Variants in ELOVL4 observed in about 807,000 individuals in gnomAD.
ELOVL4 encodes the protein very long chain fatty acid elongase 4.
ELOVL4 carries 18 observed loss-of-function variants against 42.1 expected under a neutral mutation model. The observed-to-expected ratio is 0.43, with a 90% CI of 0.30 to 0.63. ELOVL4 has a LOEUF of 0.63. Ranked by LOEUF, ELOVL4 falls within the 30% of genes least tolerant of loss-of-function variation. The pLI is 0.15. For synonymous variants in ELOVL4, 117 were observed against 127.0 expected, an observed-to-expected ratio of 0.92 and a Z score of 0.53; for missense variants, 299 against 376.2, an observed-to-expected ratio of 0.79 and a Z score of 1.70.
At chr6:79,918,394 T>A (rs957343606) in intron 5 of ELOVL4, among the ~76,000 whole-genome samples, 2 of 152,206 alleles carry the variant, frequency 1.3e-5, no homozygotes, top group South Asian at 2.1e-4. Flanking sequence ...CTAATTCACA[T>A]GATTTTGATC....
At chr6:79,943,675 T>G (rs994762788) in intron 1 of ELOVL4, among the ~76,000 whole-genome samples, 3 of 152,096 alleles carry the variant, frequency 2.0e-5, no homozygotes, top group Non-Finnish European at 2.9e-5. Context: ...CTTTGCAAGA[T>G]GCATGAGGGC....
At chr6:79,923,513 C>T (rs1430314707) in intron 3 of ELOVL4, among the ~76,000 whole-genome samples, 4 of 152,184 alleles carry the variant, frequency 2.6e-5, no homozygotes, top group African/African-American at 9.7e-5. Flanking sequence ...CCCTTCCCTA[C>T]GGCAAGCAAG....
chr6:79,925,737 G>A (rs938139154), intron 2 of ELOVL4, among the ~76,000 whole-genome samples: 4 of 152,034 alleles, frequency 2.6e-5, no homozygotes, highest in African/African-American at 9.7e-5. Context: ...TTATGTAATA[G>A]GATTTACTTG....
intron 1 of ELOVL4, among the ~76,000 whole-genome samples, chr6:79,943,424 T>C (rs2127702653): frequency 6.6e-6 from 1 of 152,282 alleles, no homozygotes; most frequent in African/African-American, 2.4e-5. Context: ...CCTCTCCAAA[T>C]ACTCTGACAG....
At chr6:79,945,551 C>T (rs907257224) in intron 1 of ELOVL4, among the ~76,000 whole-genome samples, 7 of 152,154 alleles carry the variant, frequency 4.6e-5, no homozygotes, top group Non-Finnish European at 7.4e-5. Context: ...AATGACAGGA[C>T]CGAGAACTCC....
In ELOVL4 at chr6:79,916,792, T is replaced by C. The variant is rs2127697598; in HGVS notation, c.761A>G (p.Tyr254Cys). 6.2e-7 allele frequency: 1 copy of C among 1,614,180 alleles called. No homozygotes were observed. The highest frequency in any genetic ancestry group is 8.5e-7 in the Non-Finnish European group (1 of 1,180,026). ...PKWMHWALIA[Y>C]AISFIFLFLN... The stretch of plus-strand genomic sequence containing the variant: ...AAAGAGAAATATGAAGCTGATTGCA[T>C]AGGCAATTAGAGCCCAGTGCATCCA... The change falls in exon 6 of 6, where the codon TAT becomes TGT. Residue 254 changes from tyrosine (Y) to cysteine (C), a missense_variant. Tyr to Cys is a radical substitution (Grantham distance 194). Coordinates refer to ENST00000369816, the MANE Select transcript of ELOVL4 (RefSeq NM_022726.4).
At chr6:79,945,973 C>G (rs1265806703) in intron 1 of ELOVL4, among the ~76,000 whole-genome samples, 1 of 152,164 alleles carries the variant, frequency 6.6e-6, no homozygotes, top group Non-Finnish European at 1.5e-5. Flanking sequence ...TTGTCTCTCA[C>G]AAAAATAATT....
chr6:79,928,053 A>C (rs1213412784), intron 1 of ELOVL4, among the ~76,000 whole-genome samples: 4 of 152,156 alleles, frequency 2.6e-5, no homozygotes, highest in Non-Finnish European at 4.4e-5. Flanking sequence ...TTTCTATGCT[A>C]AAGGCCCCCT....
chr6:79,917,592 G>T (rs1379557186), intron 5 of ELOVL4, among the ~76,000 whole-genome samples: 1 of 152,168 alleles, frequency 6.6e-6, no homozygotes, highest in Non-Finnish European at 1.5e-5. Flanking sequence ...GGCCGAGGCG[G>T]GTGGATCAAC....
At chr6:79,922,255 C>A (rs1224245757) in intron 3 of ELOVL4, among the ~76,000 whole-genome samples, 1 of 151,656 alleles carries the variant, frequency 6.6e-6, no homozygotes, top group Non-Finnish European at 1.5e-5. Context: ...GTCTGCCCAC[C>A]CTCTCCCCTC....
chr6:79,933,746 G>A (rs1582052547), intron 1 of ELOVL4, among the ~76,000 whole-genome samples: 1 of 152,142 alleles, frequency 6.6e-6, no homozygotes, highest in East Asian at 1.9e-4. Flanking sequence ...ACTATGATCT[G>A]AGCTCCCCCA....
intron 1 of ELOVL4, among the ~76,000 whole-genome samples, chr6:79,942,220 A>C (rs1774659220): frequency 6.6e-6 from 1 of 152,186 alleles, no homozygotes; most frequent in Non-Finnish European, 1.5e-5. Flanking sequence ...ATACTGAAGG[A>C]TCAAGCGAGA....
intron 2 of ELOVL4, among the ~76,000 whole-genome samples, chr6:79,925,769 T>C (rs1774332180): frequency 1.3e-5 from 2 of 152,178 alleles, no homozygotes. Flanking sequence ...TTTTGATCAG[T>C]TACCAAACCA....
At chr6:79,945,089 C>T (rs1774716238) in intron 1 of ELOVL4, among the ~76,000 whole-genome samples, 1 of 151,782 alleles carries the variant, frequency 6.6e-6, no homozygotes, top group Non-Finnish European at 1.5e-5. Context: ...CGGCCTGGAC[C>T]TGAAAAATAC....
chr6:79,921,907 A>T, intron 3 of ELOVL4, 111 bp from the exon 4 acceptor site: 3 of 1,055,656 alleles, frequency 2.8e-6, no homozygotes, highest in Non-Finnish European at 4.3e-6. Flanking sequence ...AAAATGTACA[A>T]GGCATGGAAT....
intron 5 of ELOVL4, among the ~76,000 whole-genome samples, chr6:79,918,217 T>C (rs993417069): frequency 6.6e-6 from 1 of 152,222 alleles, no homozygotes; most frequent in Admixed American, 6.5e-5. Context: ...ATTTATACTA[T>C]ATTAAACTTT....
rs750559068 is a variant in ELOVL4, at chr6:79,916,383, A to G, written c.*225T>C. The stretch of plus-strand genomic sequence containing the variant: ...CTTAATGATTGCTTTGGTCTGGAGA[A>G]TATCAAGGCTAATTTTTAAAAAAAA... On this transcript the variant is annotated 3_prime_UTR_variant, in exon 6 of 6. Transcript: ENST00000369816. 2 of 541,950 alleles carry G rather than the reference A, an allele frequency of 3.7e-6. No homozygotes were observed. Among genetic ancestry groups the G allele is most frequent in the Non-Finnish European group, 6.5e-6 (2 of 306,510 alleles). 33.6% of individuals were successfully genotyped at this position (541,950 alleles called of 1,614,324 possible).
chr6:79,916,298 C>T lies in ELOVL4; in HGVS notation c.*310G>A, dbSNP rs1409524486. 4 of 333,646 alleles carry T rather than the reference C, an allele frequency of 1.2e-5. No individual in the cohort carries two copies. The highest frequency in any genetic ancestry group is 6.3e-5 in the African/African-American group (3 of 47,262). 20.7% of individuals were successfully genotyped at this position (333,646 alleles called of 1,614,324 possible). The stretch of plus-strand genomic sequence containing the variant: ...CCGAAGAATGAGTGACTATAAGATA[C>T]ATGAAAAATCTCATCCTTTAGACAA... On this transcript the variant is annotated 3_prime_UTR_variant, in exon 6 of 6. Transcript: ENST00000369816.
At chr6:79,927,944 T>C (rs1446607656) in intron 1 of ELOVL4, among the ~76,000 whole-genome samples, 1 of 152,156 alleles carries the variant, frequency 6.6e-6, no homozygotes, top group East Asian at 1.9e-4. Context: ...CTGACTTTTG[T>C]TAAAAAGGCG....
Sources: allele counts gnomAD v4.1 joint callset (sites outside exome capture counted in the v4.1 genomes callset), GRCh38; gene constraint gnomAD v4.1.1; transcripts MANE v1.5; gene names NCBI Gene and HGNC (gene_info 2026-07-23, HGNC 2026-07-21).